The following RORA variants were observed in gnomAD, a reference collection of about 807,000 sequenced individuals.
The protein encoded by RORA is nuclear receptor ROR-alpha.
A neutral mutation model predicts 69.5 loss-of-function variants in RORA; 7 were observed. The ratio of observed to expected loss-of-function variants is 0.10; its 90% CI spans 0.06 to 0.19. RORA has a LOEUF of 0.19. RORA is among the 10% of genes least tolerant of loss of function. RORA has a pLI of 1.00. For synonymous variants in RORA, 261 were observed against 240.8 expected, an observed-to-expected ratio of 1.08 and a Z score of -0.78; for missense variants, 457 against 663.0, an observed-to-expected ratio of 0.69 and a Z score of 3.41.
intron 1 of RORA, among the ~76,000 whole-genome samples, chr15:60,974,608 C>T (rs1893824162): frequency 6.6e-6 from 1 of 152,180 alleles, no homozygotes; most frequent in African/African-American, 2.4e-5. Context: ...AGTTTTAGCC[C>T]TCTAAAGGCC....
chr15:60,599,623 A>G (rs2068770437), intron 2 of RORA, among the ~76,000 whole-genome samples: 1 of 152,184 alleles, frequency 6.6e-6, no homozygotes, highest in Admixed American at 6.5e-5. Flanking sequence ...ACTCAAGGAA[A>G]CTAATAACGA....
At chr15:60,993,644 C>CAAAAAAAAAAAAAAAAAAA (rs3053932) in intron 1 of RORA, among the ~76,000 whole-genome samples, 2 of 83,076 alleles carry the variant, frequency 2.4e-5, no homozygotes, top group Non-Finnish European at 4.4e-5. Flanking sequence ...CTCTCCATCT[C>CAAAAAAAAAAAAAAAAAAA]AAAAAAAAAA....
At chr15:60,515,957 T>TTA (rs374446786) in intron 3 of RORA, among the ~76,000 whole-genome samples, 596 of 17,294 alleles carry the variant, frequency 0.034, 29 homozygotes, top group African/African-American at 0.043. Flanking sequence ...ATTTATATAT[T>TTA]TATATTTATA....
intron 1 of RORA, among the ~76,000 whole-genome samples, chr15:60,819,228 C>T (rs1338461301): frequency 6.6e-6 from 1 of 152,204 alleles, no homozygotes; most frequent in East Asian, 1.9e-4. Context: ...GATGAAGATT[C>T]CGTTAACTAA....
intron 1 of RORA, among the ~76,000 whole-genome samples, chr15:60,964,842 G>A (rs1003630912): frequency 1.3e-5 from 2 of 152,220 alleles, no homozygotes; most frequent in African/African-American, 4.8e-5. Flanking sequence ...TGGCCACTGA[G>A]AGGATGGCTT....
intron 2 of RORA, among the ~76,000 whole-genome samples, chr15:60,653,323 G>T (rs2070173080): frequency 6.6e-6 from 1 of 152,084 alleles, no homozygotes; most frequent in Non-Finnish European, 1.5e-5. Flanking sequence ...GTGTGTGTGT[G>T]TGTGTGCGTA....
At chr15:60,900,867 A>C (rs376888289) in intron 1 of RORA, among the ~76,000 whole-genome samples, 12 of 151,940 alleles carry the variant, frequency 7.9e-5, no homozygotes, top group African/African-American at 2.9e-4. Flanking sequence ...GGAAGACTCC[A>C]TCTCAAAAAA....
rs191189906 is a variant in RORA at position 60,498,136 on chromosome 15, A to G, written c.1408-517T>C. ...GTATACATTAAATATGATTTTCAAG[A>G]TGAATAATTCAATAACTAGAAAAGA... On this transcript the variant is annotated intron_variant, in intron 10 of 10. Coordinates refer to ENST00000335670, the MANE Select transcript of RORA (RefSeq NM_134261.3). Among the ~76,000 whole-genome samples the G allele has an allele frequency of 2.3e-3, 350 of 152,320 alleles. 2 individuals are homozygous for G. The highest frequency in any genetic ancestry group is 4.2e-3 in the Non-Finnish European group (286 of 68,028).
intron 1 of RORA, among the ~76,000 whole-genome samples, chr15:60,732,807 A>G (rs969784920): frequency 2.0e-5 from 3 of 151,492 alleles, no homozygotes; most frequent in Admixed American, 6.6e-5. Context: ...ACATACACTC[A>G]CATACTTACA....
At chr15:60,934,442 G>C (rs1474765523) in intron 1 of RORA, among the ~76,000 whole-genome samples, 1 of 151,870 alleles carries the variant, frequency 6.6e-6, no homozygotes, top group East Asian at 1.9e-4. Context: ...ATTTGACTTA[G>C]TAGCTCTGGG....
chr15:61,228,804 C>T (rs987408638), intron 1 of RORA, among the ~76,000 whole-genome samples: 3 of 151,864 alleles, frequency 2.0e-5, no homozygotes, highest in African/African-American at 7.2e-5. Context: ...GTGAGCCCGC[C>T]GGCTGTCAAC....
intron 1 of RORA, among the ~76,000 whole-genome samples, chr15:61,151,273 AG>A (rs2079395804): frequency 6.6e-6 from 1 of 152,226 alleles, no homozygotes; most frequent in African/African-American, 2.4e-5. Context: ...TAGGCAATAG[AG>A]CCAGGCCTAC....
At chr15:61,032,661 C>A (rs1896234289) in intron 1 of RORA, among the ~76,000 whole-genome samples, 1 of 152,124 alleles carries the variant, frequency 6.6e-6, no homozygotes, top group Admixed American at 6.5e-5. Context: ...AAAGTTAAGT[C>A]TAACAAATGC....
intron 1 of RORA, among the ~76,000 whole-genome samples, chr15:60,878,478 G>T (rs2073644325): frequency 6.6e-6 from 1 of 152,098 alleles, no homozygotes. Flanking sequence ...TGGCTGGTGT[G>T]ACTCAGAAGG....
At chr15:61,197,834 C>T (rs1157851744) in intron 1 of RORA, among the ~76,000 whole-genome samples, 1 of 152,118 alleles carries the variant, frequency 6.6e-6, no homozygotes, top group Non-Finnish European at 1.5e-5. Flanking sequence ...ATCTCAATGC[C>T]TTAGGGAGAG....
chr15:60,664,159 C>T (rs1001432614), intron 2 of RORA, among the ~76,000 whole-genome samples: 2 of 152,094 alleles, frequency 1.3e-5, no homozygotes, highest in South Asian at 2.1e-4. Flanking sequence ...TCAAATCACC[C>T]CAATTATACA....
intron 1 of RORA, among the ~76,000 whole-genome samples, chr15:61,218,828 A>G (rs553915816): frequency 6.6e-6 from 1 of 152,322 alleles, no homozygotes; most frequent in African/African-American, 2.4e-5. Flanking sequence ...CTAGTGCAAC[A>G]TGATTTTTAA....
intron 1 of RORA, among the ~76,000 whole-genome samples, chr15:61,034,388 G>T (rs1482411677): frequency 6.6e-6 from 1 of 152,088 alleles, no homozygotes. Flanking sequence ...TCTATATAGA[G>T]GCTATTCCTG....
intron 1 of RORA, among the ~76,000 whole-genome samples, chr15:60,861,768 T>C (rs1282767694): frequency 6.6e-6 from 1 of 152,178 alleles, no homozygotes; most frequent in Non-Finnish European, 1.5e-5. Context: ...TCCTGGTGTG[T>C]TAAGCTTGCC....
Sources: gnomAD v4.1 joint callset for allele counts (sites outside exome capture counted in the v4.1 genomes callset) on GRCh38, gnomAD v4.1.1 for gene constraint, MANE v1.5 for transcripts, NCBI Gene and HGNC (gene_info 2026-07-23, HGNC 2026-07-21) for gene names.